The following PRKCQ variants were observed in gnomAD, a reference collection of about 807,000 sequenced individuals.
The protein encoded by PRKCQ is protein kinase C theta.
PRKCQ carries 41 observed loss-of-function variants against 91.2 expected under a neutral mutation model. The observed-to-expected ratio is 0.45, with a 90% CI of 0.35 to 0.58. PRKCQ has a LOEUF of 0.58. PRKCQ is among the 20% of genes least tolerant of loss of function. The pLI, the probability that PRKCQ is intolerant of heterozygous loss-of-function variation, is 0.00. For missense variants in PRKCQ, 673 were observed against 896.5 expected, an observed-to-expected ratio of 0.75 and a Z score of 3.18; for synonymous variants, 307 against 316.9, an observed-to-expected ratio of 0.97 and a Z score of 0.33.
the PRKCQ span, among the ~76,000 whole-genome samples, chr10:6,400,774 C>T: frequency 2.7e-5 from 4 of 149,996 alleles, no homozygotes; most frequent in South Asian, 2.1e-4. Context: ...GGGTGCTCGG[C>T]AGGCTGAGGT....
intron 1 of PRKCQ, among the ~76,000 whole-genome samples, chr10:6,553,303 A>G (rs982645974): frequency 1.3e-5 from 2 of 152,054 alleles, no homozygotes; most frequent in Non-Finnish European, 2.9e-5. Flanking sequence ...CAGCCTGGGC[A>G]ACATAGCAAA....
At chr10:6,554,961 G>A (rs1840348948) in intron 1 of PRKCQ, among the ~76,000 whole-genome samples, 1 of 152,152 alleles carries the variant, frequency 6.6e-6, no homozygotes, top group Non-Finnish European at 1.5e-5. Context: ...AAAAAGAATG[G>A]AATCATGTCC....
At chr10:6,469,577 A>G (rs1835854868) in intron 12 of PRKCQ, among the ~76,000 whole-genome samples, 1 of 152,234 alleles carries the variant, frequency 6.6e-6, no homozygotes, top group Non-Finnish European at 1.5e-5. Flanking sequence ...TTCCAATTAA[A>G]TAAGTTGTGA....
At chr10:6,404,302 G>A in the PRKCQ span, among the ~76,000 whole-genome samples, 1 of 144,558 alleles carries the variant, frequency 6.9e-6, no homozygotes, top group Non-Finnish European at 1.5e-5. Flanking sequence ...ATGGCCAGAG[G>A]TCTAACTCAA....
rs192594183 is a variant in PRKCQ at position 6,451,812 on chromosome 10, G to A, written c.1647+4862C>T. 2.1e-3 allele frequency among the ~76,000 whole-genome samples: 313 copies of A among 152,212 alleles called. 1 individual carries two copies. Among genetic ancestry groups the A allele is most frequent in the African/African-American group, 7.2e-3 (299 of 41,534 alleles). On this transcript the variant is annotated intron_variant, in intron 15 of 17. Transcript: ENST00000263125. Reference sequence around the variant, plus strand: ...AAATGTAATCCAGCATATAAACAGAGCCAAAGACAAAAACCACATGATTAC... The same window carrying A: ...AAATGTAATCCAGCATATAAACAGAACCAAAGACAAAAACCACATGATTAC...
chr10:6,418,474 T>TC, the PRKCQ span, among the ~76,000 whole-genome samples: 2 of 150,044 alleles, frequency 1.3e-5, no homozygotes, highest in Non-Finnish European at 3.0e-5. Context: ...CCCTGCTTTC[T>TC]CCCCCTCTCA....
chr10:6,441,470 TC>T (rs5782899), intron 16 of PRKCQ, among the ~76,000 whole-genome samples: 116,604 of 150,576 alleles, frequency 0.77, 45,303 homozygotes, highest in East Asian at 0.93. Flanking sequence ...CTTTTTTTTT[TC>T]CCCTTTATTG....
At chr10:6,489,507 C>T in intron 8 of PRKCQ, 1 of 520,126 alleles carries the variant, frequency 1.9e-6, no homozygotes. Flanking sequence ...GCTAAGGAGG[C>T]CCTACTTAAG....
intron 7 of PRKCQ, among the ~76,000 whole-genome samples, chr10:6,495,943 TG>T (rs995288859): frequency 3.3e-5 from 5 of 152,158 alleles, no homozygotes; most frequent in African/African-American, 9.7e-5. Context: ...AGGCCAGGTG[TG>T]GTGGCTCATG....
the PRKCQ span, among the ~76,000 whole-genome samples, chr10:6,415,554 C>T: frequency 6.8e-6 from 1 of 147,264 alleles, no homozygotes; most frequent in African/African-American, 2.5e-5. Flanking sequence ...TGAGAACAAG[C>T]TTGTGGTAAG....
chr10:6,415,723 CTAA>C, the PRKCQ span, among the ~76,000 whole-genome samples: 5 of 149,052 alleles, frequency 3.4e-5, no homozygotes, highest in South Asian at 8.5e-4. Flanking sequence ...ACAATTGCTG[CTAA>C]TGTTTCTCTC....
chr10:6,467,317 G>C (rs77897190), intron 12 of PRKCQ, among the ~76,000 whole-genome samples: 2 of 134,944 alleles, frequency 1.5e-5, no homozygotes, highest in South Asian at 2.3e-4. Flanking sequence ...GAGAGAGAGA[G>C]AGACAGAGAG....
intron 11 of PRKCQ, among the ~76,000 whole-genome samples, chr10:6,481,164 G>C (rs1278493583): frequency 6.6e-6 from 1 of 152,150 alleles, no homozygotes; most frequent in Non-Finnish European, 1.5e-5. Context: ...ACATGGAGTG[G>C]GGGAAACCTG....
chr10:6,549,330 G>A (rs138828008), intron 1 of PRKCQ, among the ~76,000 whole-genome samples: 9 of 152,262 alleles, frequency 5.9e-5, no homozygotes, highest in African/African-American at 2.4e-5. Context: ...GAGGAAGTAC[G>A]GGATATTCTG....
intron 1 of PRKCQ, among the ~76,000 whole-genome samples, chr10:6,567,430 C>T (rs551571432): frequency 1.3e-5 from 2 of 152,380 alleles, no homozygotes; most frequent in African/African-American, 4.8e-5. Context: ...GGCCAGAATG[C>T]ACAAGGTGCC....
chr10:6,433,465 A>G (rs552879420), intron 16 of PRKCQ, among the ~76,000 whole-genome samples: 1 of 152,294 alleles, frequency 6.6e-6, no homozygotes, highest in South Asian at 2.1e-4. Flanking sequence ...CTGCAGAGTA[A>G]GTGAATAAGC....
intron 11 of PRKCQ, 91 bp from the exon 12 acceptor site, chr10:6,479,256 G>A (rs965624123): frequency 2.8e-4 from 399 of 1,446,290 alleles, no homozygotes; most frequent in Non-Finnish European, 3.6e-4. Context: ...ACCTGTGTTG[G>A]GTGGGAAAAG....
At chr10:6,550,692 T>C (rs917508635) in intron 1 of PRKCQ, among the ~76,000 whole-genome samples, 1 of 152,232 alleles carries the variant, frequency 6.6e-6, no homozygotes, top group African/African-American at 2.4e-5. Context: ...TGTGTAAATA[T>C]CTCTTCAAGA....
At chr10:6,495,284 G>A (rs1448783355) in intron 7 of PRKCQ, among the ~76,000 whole-genome samples, 1 of 152,160 alleles carries the variant, frequency 6.6e-6, no homozygotes, top group Non-Finnish European at 1.5e-5. Flanking sequence ...AAGAAACCCC[G>A]CATGACCCAG....
Sources: allele counts gnomAD v4.1 joint callset (sites outside exome capture counted in the v4.1 genomes callset), GRCh38; gene constraint gnomAD v4.1.1; transcripts MANE v1.5; gene names NCBI Gene and HGNC (gene_info 2026-07-23, HGNC 2026-07-21).